Variants in ZNF385D observed in about 807,000 individuals in gnomAD.
The protein encoded by ZNF385D is zinc finger protein 659.
ZNF385D carries 15 observed loss-of-function variants against 35.8 expected under a neutral mutation model. The observed-to-expected ratio is 0.42, with a 90% CI of 0.28 to 0.64. The LOEUF is 0.64. ZNF385D is among the 30% of genes least tolerant of loss of function. The pLI is 0.23. For synonymous variants in ZNF385D, 212 were observed against 186.8 expected (o/e 1.13, Z -1.10); for missense variants, 474 against 494.6 (o/e 0.96, Z 0.39).
At chr3:21,622,015 G>A (rs2065023546) in intron 2 of ZNF385D, among the ~76,000 whole-genome samples, 2 of 152,030 alleles carry the variant, frequency 1.3e-5, no homozygotes, top group Admixed American at 6.6e-5. Context: ...AGGAACATGT[G>A]CTTTGTCATT....
chr3:22,131,935 A>G (rs896775448), intron 3 of ZNF385D, among the ~76,000 whole-genome samples: 1 of 152,218 alleles, frequency 6.6e-6, no homozygotes, highest in African/African-American at 2.4e-5. Flanking sequence ...AATTTAAAAT[A>G]AAACAAGCCA....
intron 2 of ZNF385D, among the ~76,000 whole-genome samples, chr3:21,660,107 C>T (rs2066191859): frequency 6.6e-6 from 1 of 151,808 alleles, no homozygotes; most frequent in African/African-American, 2.4e-5. Flanking sequence ...CTCTCTCTCT[C>T]TCTGTCTCTC....
intron 2 of ZNF385D, among the ~76,000 whole-genome samples, chr3:21,578,593 C>T (rs1398227177): frequency 1.3e-5 from 2 of 152,040 alleles, no homozygotes; most frequent in East Asian, 3.9e-4. Flanking sequence ...AGAGACTGTC[C>T]TGCCCCTATT....
chr3:21,792,409 C>T (rs1213995117), intron 3 of ZNF385D, among the ~76,000 whole-genome samples: 3 of 152,154 alleles, frequency 2.0e-5, no homozygotes, highest in Non-Finnish European at 4.4e-5. Context: ...TTCTAAATAA[C>T]TTTTTATTGG....
At chr3:21,665,521 C>G (rs1268133242) in intron 1 of ZNF385D, among the ~76,000 whole-genome samples, 4 of 152,152 alleles carry the variant, frequency 2.6e-5, no homozygotes, top group Non-Finnish European at 5.9e-5. Flanking sequence ...AATTTAACCT[C>G]GAACTCAGGC....
chr3:22,080,575 G>GATTTTATATATAAAAAATTTTAT (rs1224045198), intron 3 of ZNF385D, among the ~76,000 whole-genome samples: 1 of 151,704 alleles, frequency 6.6e-6, no homozygotes, highest in Non-Finnish European at 1.5e-5. Context: ...AATAGCTACA[G>GATTTTATATATAAAAAATTTTAT]ATTTTATATA....
At chr3:21,534,132 A>G (rs900585098) in intron 3 of ZNF385D, among the ~76,000 whole-genome samples, 5 of 152,026 alleles carry the variant, frequency 3.3e-5, no homozygotes, top group Non-Finnish European at 5.9e-5. Flanking sequence ...CAGAAGTTAA[A>G]AAAAAAAACT....
chr3:21,969,017 T>G (rs1026574844), intron 3 of ZNF385D, among the ~76,000 whole-genome samples: 10 of 152,064 alleles, frequency 6.6e-5, no homozygotes, highest in African/African-American at 2.4e-4. Flanking sequence ...ATCTGGCAGC[T>G]TTTACCAACA....
intron 2 of ZNF385D, among the ~76,000 whole-genome samples, chr3:22,210,037 T>C (rs1290974138): frequency 6.6e-6 from 1 of 151,770 alleles, no homozygotes; most frequent in East Asian, 1.9e-4. Context: ...TTTTGCCATG[T>C]ACCGAGAGGT....
chr3:22,161,938 C>G (rs1458987149), intron 3 of ZNF385D, among the ~76,000 whole-genome samples: 1 of 152,116 alleles, frequency 6.6e-6, no homozygotes, highest in Non-Finnish European at 1.5e-5. Context: ...TGAAGACAAA[C>G]AGCTTTACTG....
intron 3 of ZNF385D, among the ~76,000 whole-genome samples, chr3:21,905,533 G>C (rs1699640075): frequency 6.7e-6 from 1 of 148,662 alleles, no homozygotes; most frequent in African/African-American, 2.6e-5. Context: ...AAACTCTTCA[G>C]AATCTGGAAG....
chr3:21,698,201 T>C (rs1451147687), intron 1 of ZNF385D, among the ~76,000 whole-genome samples: 1 of 152,186 alleles, frequency 6.6e-6, no homozygotes, highest in African/African-American at 2.4e-5. Context: ...TTAACCTAGG[T>C]GTCCATCAAC....
At chr3:22,153,030 C>T (rs1339679997) in intron 3 of ZNF385D, among the ~76,000 whole-genome samples, 1 of 152,136 alleles carries the variant, frequency 6.6e-6, no homozygotes, top group African/African-American at 2.4e-5. Context: ...GGAGATGTTA[C>T]AAACCATGGC....
chr3:21,732,737 T>A (rs1050996646), intron 1 of ZNF385D, among the ~76,000 whole-genome samples: 1 of 152,242 alleles, frequency 6.6e-6, no homozygotes, highest in African/African-American at 2.4e-5. Flanking sequence ...TTAATCAGGT[T>A]GTTTGTTTTC....
rs375587956 is a variant in ZNF385D, at chr3:21,424,318, T to TATATATA, written c.853-255_853-254insTATATAT. On this transcript the variant is annotated intron_variant, in intron 6 of 7. Transcript: ENST00000281523. ...ATATATATTTATATATATATATATA[T>TATATATA]TTTTTTTTTTTTTTGAGATGGAGTC... 2.0e-3 allele frequency among the ~76,000 whole-genome samples: 83 copies of TATATATA among 41,812 alleles called. 1 individual carries two copies. Among genetic ancestry groups the TATATATA allele is most frequent in the African/African-American group, 7.5e-3 (75 of 9,986 alleles). 27.4% of individuals were successfully genotyped at this position (41,812 alleles called of 152,430 possible).
intron 3 of ZNF385D, among the ~76,000 whole-genome samples, chr3:22,098,200 G>A (rs866622342): frequency 1.5e-4 from 23 of 152,036 alleles, no homozygotes; most frequent in African/African-American, 4.8e-4. Flanking sequence ...AAAATATCAC[G>A]TGATTTTCAA....
In ZNF385D at chr3:21,904,302, C is replaced by CAAAAA. The variant is rs548922115; in HGVS notation, c.326-239279_326-239275dup. Among the ~76,000 whole-genome samples, 65 of 79,202 alleles carry CAAAAA rather than the reference C, an allele frequency of 8.2e-4. 2 individuals are homozygous for CAAAAA. Among genetic ancestry groups the CAAAAA allele is most frequent in the East Asian group, 2.4e-3 (6 of 2,546 alleles). The allele number at this position is 79,202 out of a possible 152,430, so 52.0% of individuals were successfully genotyped here. A position where few individuals can be genotyped will look rare whatever the true frequency, so the allele number is the denominator to read the frequency against. Reference sequence around the variant, plus strand: ...CTGGTGACAGAGTGAGACTCCATCTCAAAAAAAAAAAAAAAAAAAAAGAAT... The same window carrying CAAAAA: ...CTGGTGACAGAGTGAGACTCCATCTCAAAAAAAAAAAAAAAAAAAAAAAAAAGAAT... On this transcript the variant is annotated intron_variant, in intron 3 of 5. Coordinates refer to the ZNF385D transcript ENST00000494108.
At chr3:22,080,517 G>C (rs1480821506) in intron 3 of ZNF385D, among the ~76,000 whole-genome samples, 1 of 151,878 alleles carries the variant, frequency 6.6e-6, no homozygotes, top group African/African-American at 2.4e-5. Context: ...CGGCCACTCA[G>C]TATATAACAG....
intron 1 of ZNF385D, among the ~76,000 whole-genome samples, chr3:21,744,717 A>C (rs2069679787): frequency 6.6e-6 from 1 of 152,182 alleles, no homozygotes; most frequent in Non-Finnish European, 1.5e-5. Flanking sequence ...TATTCTATAG[A>C]GTTAACACCG....
Sources: allele counts gnomAD v4.1 joint callset (sites outside exome capture counted in the v4.1 genomes callset), GRCh38; gene constraint gnomAD v4.1.1; transcripts MANE v1.5; gene names NCBI Gene and HGNC (gene_info 2026-07-23, HGNC 2026-07-21).